The following GPR141 variants were observed in gnomAD, a reference collection of about 807,000 sequenced individuals.
The protein encoded by GPR141 is probable G protein-coupled receptor 141.
GPR141 carries 6 observed loss-of-function variants against 6.8 expected under a neutral mutation model. That is an observed-to-expected ratio of 0.88 (90% CI 0.48 to 1.74). The LOEUF (loss-of-function observed/expected upper bound fraction) is 1.74, where lower values mean the gene tolerates loss of function less well. Among genes scored for constraint, GPR141 ranks in the 40% most tolerant of loss-of-function variants. GPR141 has a pLI of 0.01. For missense variants in GPR141, 372 were observed against 372.9 expected (o/e 1.00, Z 0.02); for synonymous variants, 140 against 142.3 (o/e 0.98, Z 0.11).
intron 2 of GPR141, among the ~76,000 whole-genome samples, chr7:37,736,358 A>G (rs1205094866): frequency 6.6e-6 from 1 of 152,188 alleles, no homozygotes; most frequent in Non-Finnish European, 1.5e-5. Flanking sequence ...AATGTCTAAC[A>G]TAACTATAAT....
At chr7:37,704,539 C>A (rs937600284) in intron 2 of GPR141, among the ~76,000 whole-genome samples, 1 of 152,218 alleles carries the variant, frequency 6.6e-6, no homozygotes, top group East Asian at 1.9e-4. Flanking sequence ...GGAAACCACC[C>A]CCATGATTCA....
chr7:37,729,674 G>T (rs376615005), intron 2 of GPR141, among the ~76,000 whole-genome samples: 4 of 152,322 alleles, frequency 2.6e-5, no homozygotes, highest in African/African-American at 9.6e-5. Context: ...TGTCCCGGGG[G>T]CCTGAAGGGC....
At chr7:37,698,447 T>C (rs1810124670) in intron 2 of GPR141, among the ~76,000 whole-genome samples, 1 of 152,154 alleles carries the variant, frequency 6.6e-6, no homozygotes, top group African/African-American at 2.4e-5. Flanking sequence ...GTGTAGGGCT[T>C]ATGACTCATT....
At chr7:37,711,534 G>T (rs1396425431) in intron 2 of GPR141, among the ~76,000 whole-genome samples, 1 of 152,140 alleles carries the variant, frequency 6.6e-6, no homozygotes, top group Non-Finnish European at 1.5e-5. Flanking sequence ...ACTACTGGGG[G>T]TTGTCAATTT....
At chr7:37,725,914 A>G (rs1318722689) in intron 2 of GPR141, among the ~76,000 whole-genome samples, 1 of 151,682 alleles carries the variant, frequency 6.6e-6, no homozygotes, top group Non-Finnish European at 1.5e-5. Context: ...TTTGCAAGCC[A>G]TACATGCAAC....
chr7:37,688,650 A>G (rs1185832866), intron 2 of GPR141, among the ~76,000 whole-genome samples: 1 of 152,032 alleles, frequency 6.6e-6, no homozygotes, highest in Non-Finnish European at 1.5e-5. Flanking sequence ...CCACAATTTC[A>G]GGTTCTTCTC....
At chr7:37,714,641 C>A (rs1343652376) in intron 2 of GPR141, among the ~76,000 whole-genome samples, 2 of 152,118 alleles carry the variant, frequency 1.3e-5, no homozygotes, top group Non-Finnish European at 2.9e-5. Context: ...ATCTAAATAA[C>A]CTTGAAGAAA....
rs149438314 is a variant in GPR141, at chr7:37,704,369, G to A, written c.-15+18786G>A. ...AGAAGTTTAATTAACTCACAGTTCC[G>A]CATGGCTGGGGAGGCCTCAGGAGAC... On this transcript the variant is annotated intron_variant, in intron 2 of 2. Transcript: ENST00000334425. Among the ~76,000 whole-genome samples, 776 of 152,184 alleles carry A rather than the reference G, an allele frequency of 5.1e-3. 9 individuals carry two copies. The highest frequency in any genetic ancestry group is 0.017 in the African/African-American group (709 of 41,514).
In GPR141 at chr7:37,742,395, A is replaced by T. The variant is rs1214770082; in HGVS notation, c.*1084A>T. Among the ~76,000 whole-genome samples, 1 of 149,138 alleles carries T rather than the reference A, an allele frequency of 6.7e-6. No homozygotes were observed. ...TTTCTCCTAATGCTCTCCCTCCCCTAGCCCCCCACCCCTGGACAGGCCCCA... is the reference window on the plus strand; with the variant it reads ...TTTCTCCTAATGCTCTCCCTCCCCTTGCCCCCCACCCCTGGACAGGCCCCA... On this transcript the variant is annotated 3_prime_UTR_variant, in exon 3 of 3. Transcript: ENST00000334425.
intron 2 of GPR141, among the ~76,000 whole-genome samples, chr7:37,705,452 G>A (rs755940283): frequency 2.0e-5 from 3 of 152,246 alleles, no homozygotes; most frequent in Admixed American, 6.5e-5. Context: ...TGGGGACTGC[G>A]ATATATCAGT....
intron 2 of GPR141, among the ~76,000 whole-genome samples, chr7:37,699,407 A>G (rs1810171953): frequency 6.6e-6 from 1 of 152,150 alleles, no homozygotes; most frequent in Admixed American, 6.5e-5. Context: ...TAAAAATACA[A>G]AAAATTAGCC....
Position 37,741,113 on chromosome 7 carries a change from C to G in GPR141, c.720C>G (p.Pro240=). 6.2e-7 allele frequency: 1 copy of G among 1,613,902 alleles called. No individual in the cohort carries two copies. The change falls in exon 3 of 3, where the codon CCC becomes CCG. Residue 240 remains proline, a synonymous_variant. Coordinates refer to ENST00000334425, the MANE Select transcript of GPR141 (RefSeq NM_001381946.1). ...FIGVILVCFL[P]YQFFRIYYLN... is the part of the protein sequence containing the mutation. ...GGGTCATCCTTGTTTGTTTCCTTCC[C>G]TACCAGTTCTTTAGGATCTATTACT... is the stretch of plus-strand genomic sequence containing the variant.
At chr7:37,699,451 C>T (rs1440277838) in intron 2 of GPR141, among the ~76,000 whole-genome samples, 2 of 152,202 alleles carry the variant, frequency 1.3e-5, no homozygotes, top group African/African-American at 4.8e-5. Flanking sequence ...GTCCCACCTA[C>T]TCGGGAGGCT....
At chr7:37,740,069 C>G (rs1812454047) in intron 2 of GPR141, among the ~76,000 whole-genome samples, 1 of 152,154 alleles carries the variant, frequency 6.6e-6, no homozygotes, top group Admixed American at 6.5e-5. Flanking sequence ...TATCCAAGTA[C>G]TAGCTCCAGA....
intron 2 of GPR141, among the ~76,000 whole-genome samples, chr7:37,725,536 A>G (rs749120570): frequency 6.6e-6 from 1 of 152,188 alleles, no homozygotes; most frequent in Non-Finnish European, 1.5e-5. Context: ...TTCTCTGTCA[A>G]TAATTCTCCC....
In GPR141 at chr7:37,717,820, G is replaced by A. The variant is rs567399760; in HGVS notation, c.-14-22560G>A. Among the ~76,000 whole-genome samples the A allele has an allele frequency of 7.9e-5, 12 of 152,160 alleles. No homozygotes were observed. The East Asian group carries it at 2.1e-3, about 27-fold the overall frequency. Reference sequence around the variant, plus strand: ...TTCTTTTACTGTGTGTCCCTCCTTCGTTACTGAACAATCTTTATACATCTC... The same window carrying A: ...TTCTTTTACTGTGTGTCCCTCCTTCATTACTGAACAATCTTTATACATCTC... On this transcript the variant is annotated intron_variant, in intron 2 of 2. Coordinates refer to ENST00000334425, the MANE Select transcript of GPR141 (RefSeq NM_001381946.1).
intron 2 of GPR141, among the ~76,000 whole-genome samples, chr7:37,696,114 A>T (rs1295082399): frequency 2.6e-5 from 4 of 152,204 alleles, no homozygotes; most frequent in African/African-American, 9.7e-5. Context: ...GCAACTTTAT[A>T]ATAGTGTGAA....
intron 2 of GPR141, among the ~76,000 whole-genome samples, chr7:37,707,095 C>G (rs1392301814): frequency 6.6e-6 from 1 of 152,150 alleles, no homozygotes; most frequent in Non-Finnish European, 1.5e-5. Flanking sequence ...CCAGACAGAA[C>G]TGTAGTCAGA....
intron 2 of GPR141, among the ~76,000 whole-genome samples, chr7:37,689,052 G>T (rs1156970260): frequency 6.6e-6 from 1 of 152,096 alleles, no homozygotes; most frequent in African/African-American, 2.4e-5. Flanking sequence ...TCATTAAACA[G>T]TTACTCCCCA....
Sources: gnomAD v4.1 joint callset for allele counts (sites outside exome capture counted in the v4.1 genomes callset) on GRCh38, gnomAD v4.1.1 for gene constraint, MANE v1.5 for transcripts, NCBI Gene and HGNC (gene_info 2026-07-23, HGNC 2026-07-21) for gene names.